Variants in GRIP1 observed in about 807,000 individuals in gnomAD.
GRIP1 encodes the protein glutamate receptor-interacting protein 1.
GRIP1 carries 45 observed loss-of-function variants against 129.9 expected under a neutral mutation model. That is an observed-to-expected ratio of 0.35 (90% CI 0.27 to 0.44). GRIP1 has a LOEUF of 0.44. Among genes scored for constraint, GRIP1 ranks in the 20% least tolerant of loss-of-function variants. The pLI, the probability that GRIP1 is intolerant of heterozygous loss-of-function variation, is 1.00. For synonymous variants in GRIP1, 530 were observed against 520.8 expected (o/e 1.02, Z -0.24); for missense variants, 1,196 against 1,396.8 (o/e 0.86, Z 2.29).
chr12:66,873,209 G>A (rs1439046280), intron 1 of GRIP1, among the ~76,000 whole-genome samples: 1 of 152,056 alleles, frequency 6.6e-6, no homozygotes, highest in Non-Finnish European at 1.5e-5. Context: ...AGGAAGCCAT[G>A]CAGTGATAAT....
chr12:66,369,281 C>T (rs2055336505), intron 23 of GRIP1, among the ~76,000 whole-genome samples: 1 of 151,784 alleles, frequency 6.6e-6, no homozygotes. Context: ...ACCAGTCCAT[C>T]CACAGCCATT....
rs981107696 is a variant in GRIP1 at position 66,388,896 on chromosome 12, T to C, written c.2464+3412A>G. On this transcript the variant is annotated intron_variant, in intron 19 of 24. Transcript: ENST00000359742. ...TCCAAGAGTGTATCCACATGGTCTATGGGCCTGATATTGAGCCAGTCATTA... is the reference window on the plus strand; with the variant it reads ...TCCAAGAGTGTATCCACATGGTCTACGGGCCTGATATTGAGCCAGTCATTA... 9.8e-5 allele frequency among the ~76,000 whole-genome samples: 15 copies of C among 152,310 alleles called. No homozygotes were observed. The Middle Eastern group carries it at 0.01, about 104-fold the overall frequency.
At chr12:66,764,861 G>A (rs1462306974) in intron 1 of GRIP1, among the ~76,000 whole-genome samples, 7 of 152,142 alleles carry the variant, frequency 4.6e-5, no homozygotes, top group East Asian at 1.9e-4. Flanking sequence ...TCTGTAAAAC[G>A]TAACAATAAC....
intron 1 of GRIP1, among the ~76,000 whole-genome samples, chr12:66,696,634 C>CA (rs2035170238): frequency 6.6e-6 from 1 of 151,326 alleles, no homozygotes; most frequent in African/African-American, 2.4e-5. Flanking sequence ...AAACAAAAAA[C>CA]AAAAAACAAA....
chr12:66,672,478 A>G (rs1302337892), intron 1 of GRIP1, among the ~76,000 whole-genome samples: 7 of 151,830 alleles, frequency 4.6e-5, no homozygotes, highest in Non-Finnish European at 7.4e-5. Context: ...CATGTAATAA[A>G]TATCTGGGTG....
chr12:66,715,471 T>TGTGTGTGTGTGAGAGAGAGA (rs761155485), intron 1 of GRIP1, among the ~76,000 whole-genome samples: 41 of 110,128 alleles, frequency 3.7e-4, no homozygotes, highest in East Asian at 3.0e-3. Context: ...TGTGTGTGTG[T>TGTGTGTGTGTGAGAGAGAGA]GAGAGAGAGA....
chr12:66,557,046 TA>T (rs59179644), intron 2 of GRIP1, among the ~76,000 whole-genome samples: 3 of 150,376 alleles, frequency 2.0e-5, no homozygotes, highest in Admixed American at 6.6e-5. Flanking sequence ...GCTGAATGGA[TA>T]AAAAAAAAGA....
At chr12:66,622,920 T>A (rs1455791698) in intron 1 of GRIP1, among the ~76,000 whole-genome samples, 1 of 152,182 alleles carries the variant, frequency 6.6e-6, no homozygotes, top group Non-Finnish European at 1.5e-5. Context: ...CGGCACCCCA[T>A]ATGTTGTTTA....
intron 1 of GRIP1, among the ~76,000 whole-genome samples, chr12:66,690,200 G>A (rs1243944079): frequency 3.3e-5 from 5 of 152,060 alleles, no homozygotes; most frequent in East Asian, 3.9e-4. Flanking sequence ...GATTACAGGC[G>A]TGAACCACCA....
chr12:66,455,231 C>A (rs1330053990), intron 11 of GRIP1, among the ~76,000 whole-genome samples, 178 bp downstream of exon 11: 2 of 152,140 alleles, frequency 1.3e-5, no homozygotes, highest in African/African-American at 4.8e-5. Flanking sequence ...GCAGTCATTG[C>A]CAAACAGATA....
At chr12:66,396,772 G>T (rs553540830) in intron 16 of GRIP1, among the ~76,000 whole-genome samples, 1 of 152,158 alleles carries the variant, frequency 6.6e-6, no homozygotes, top group Non-Finnish European at 1.5e-5. Context: ...AATGGAAGCT[G>T]ATTTCTGTTT....
intron 22 of GRIP1, among the ~76,000 whole-genome samples, chr12:66,372,686 A>G (rs906406852): frequency 6.6e-6 from 1 of 152,114 alleles, no homozygotes; most frequent in Non-Finnish European, 1.5e-5. Flanking sequence ...GGTTTCAAAT[A>G]TGTTCTTCCC....
chr12:66,801,907 G>T (rs1982663), intron 1 of GRIP1, among the ~76,000 whole-genome samples: 16,283 of 151,986 alleles, frequency 0.11, 999 homozygotes, highest in East Asian at 0.29. Context: ...AACACATGGG[G>T]TATAAACGTT....
intron 2 of GRIP1, among the ~76,000 whole-genome samples, chr12:66,594,564 A>G (rs188898694): frequency 3.3e-5 from 5 of 152,266 alleles, no homozygotes; most frequent in East Asian, 1.9e-4. Context: ...AATTCTTCCA[A>G]TGTGGCCCAG....
intron 1 of GRIP1, among the ~76,000 whole-genome samples, chr12:66,723,283 CCTTT>C (rs1313105304): frequency 0.019 from 576 of 29,558 alleles, 34 homozygotes; most frequent in East Asian, 0.11. Flanking sequence ...TTCCTTCCTT[CCTTT>C]CTTTCTTTCT....
chr12:66,575,017 C>A (rs948263602), intron 2 of GRIP1, among the ~76,000 whole-genome samples: 1 of 152,018 alleles, frequency 6.6e-6, no homozygotes, highest in Non-Finnish European at 1.5e-5. Context: ...GGTGATCTGC[C>A]TGCCTCAGCC....
At chr12:66,534,389 A>G (rs948082154) in intron 4 of GRIP1, among the ~76,000 whole-genome samples, 3 of 152,116 alleles carry the variant, frequency 2.0e-5, no homozygotes, top group Non-Finnish European at 4.4e-5. Context: ...GAAAATCCTA[A>G]CAGTCTTTGG....
At chr12:66,644,756 T>G (rs1223060568) in intron 1 of GRIP1, among the ~76,000 whole-genome samples, 2 of 152,194 alleles carry the variant, frequency 1.3e-5, no homozygotes, top group African/African-American at 4.8e-5. Context: ...TTTAATTCTG[T>G]TTTTGCAATT....
chr12:66,902,647 G>A (rs1459781074), intron 1 of GRIP1, among the ~76,000 whole-genome samples: 2 of 152,184 alleles, frequency 1.3e-5, no homozygotes, highest in Admixed American at 6.6e-5. Context: ...TACAGGGAGA[G>A]ATGAAAGTGA....
Sources: gnomAD v4.1 joint callset for allele counts (sites outside exome capture counted in the v4.1 genomes callset) on GRCh38, gnomAD v4.1.1 for gene constraint, MANE v1.5 for transcripts, NCBI Gene and HGNC (gene_info 2026-07-23, HGNC 2026-07-21) for gene names.